The following SCFD2 variants were observed in gnomAD, a reference collection of about 807,000 sequenced individuals.
SCFD2 encodes the protein sec1 family domain-containing protein 2.
A neutral mutation model predicts 58.9 loss-of-function variants in SCFD2; 54 were observed. The observed-to-expected ratio is 0.92, with a 90% confidence interval of 0.74 to 1.15. SCFD2 has a LOEUF of 1.15. Ranked by LOEUF, SCFD2 falls within the 50% of genes most tolerant of loss-of-function variation. The pLI is 0.00. For missense variants in SCFD2, 805 were observed against 836.6 expected (o/e 0.96, Z 0.47); for synonymous variants, 321 against 335.9 (o/e 0.96, Z 0.49).
At chr4:53,347,067 G>A (rs1734078948) in intron 2 of SCFD2, among the ~76,000 whole-genome samples, 2 of 152,270 alleles carry the variant, frequency 1.3e-5, no homozygotes, top group Non-Finnish European at 1.5e-5. Context: ...CCACTACAGA[G>A]GCAGCTAATG....
At chr4:53,183,127 T>C (rs1577814815) in intron 4 of SCFD2, among the ~76,000 whole-genome samples, 2 of 152,172 alleles carry the variant, frequency 1.3e-5, no homozygotes, top group East Asian at 3.9e-4. Context: ...AGAAATACCA[T>C]TTGACCCAGC....
chr4:53,329,384 G>A (rs886982746), intron 2 of SCFD2, among the ~76,000 whole-genome samples: 5 of 152,016 alleles, frequency 3.3e-5, no homozygotes, highest in African/African-American at 9.7e-5. Context: ...CTCCCAGCAC[G>A]CAGCTGGAGA....
chr4:52,879,640 C>T (rs537284179), intron 8 of SCFD2, among the ~76,000 whole-genome samples: 5 of 152,344 alleles, frequency 3.3e-5, no homozygotes, highest in African/African-American at 9.6e-5. Context: ...GGGGGATGTT[C>T]GGTCTTTGTT....
chr4:53,116,411 G>T (rs939910672), intron 5 of SCFD2, among the ~76,000 whole-genome samples: 1 of 152,140 alleles, frequency 6.6e-6, no homozygotes, highest in East Asian at 1.9e-4. Flanking sequence ...TAATGTACTG[G>T]CTGTTAAAAG....
intron 5 of SCFD2, among the ~76,000 whole-genome samples, chr4:53,020,171 T>A (rs1722312095): frequency 6.6e-6 from 1 of 152,220 alleles, no homozygotes; most frequent in Admixed American, 6.5e-5. Flanking sequence ...GCATGTCATT[T>A]CATGACTTTT....
At chr4:53,177,074 T>A (rs1727361054) in intron 4 of SCFD2, among the ~76,000 whole-genome samples, 1 of 152,238 alleles carries the variant, frequency 6.6e-6, no homozygotes, top group Admixed American at 6.5e-5. Context: ...TAGCTTTTCC[T>A]TCTTCCTCTT....
intron 5 of SCFD2, among the ~76,000 whole-genome samples, chr4:52,975,443 G>T (rs1383552634): frequency 6.6e-6 from 1 of 152,242 alleles, no homozygotes; most frequent in Admixed American, 6.5e-5. Flanking sequence ...CTGACCAGCA[G>T]AGAATTGCAA....
chr4:53,115,686 G>A (rs1260771354), intron 5 of SCFD2, among the ~76,000 whole-genome samples: 7 of 152,042 alleles, frequency 4.6e-5, no homozygotes. Context: ...AGTGGATATG[G>A]GCTGACATGG....
chr4:53,242,446 G>A (rs1318002647), intron 4 of SCFD2, among the ~76,000 whole-genome samples: 1 of 142,368 alleles, frequency 7.0e-6, no homozygotes, highest in Non-Finnish European at 1.5e-5. Flanking sequence ...AAACCCCCAA[G>A]GTCACCAAAT....
At chr4:52,945,162 T>G (rs938104295) in intron 5 of SCFD2, among the ~76,000 whole-genome samples, 4 of 152,276 alleles carry the variant, frequency 2.6e-5, no homozygotes, top group African/African-American at 9.6e-5. Flanking sequence ...TGTAGAAGAC[T>G]ACATCAAAAC....
intron 4 of SCFD2, among the ~76,000 whole-genome samples, chr4:53,160,580 T>C (rs1455784927): frequency 6.6e-6 from 1 of 151,974 alleles, no homozygotes; most frequent in East Asian, 1.9e-4. Context: ...TGGTGTAAAA[T>C]GTAAGAATGG....
chr4:53,081,315 T>C (rs930864406), intron 5 of SCFD2, among the ~76,000 whole-genome samples: 2 of 152,196 alleles, frequency 1.3e-5, no homozygotes, highest in Admixed American at 1.3e-4. Flanking sequence ...TGCATGGGAA[T>C]ATTGCGTGAT....
At chr4:53,127,242 T>C (rs765207008) in intron 5 of SCFD2, among the ~76,000 whole-genome samples, 1 of 152,232 alleles carries the variant, frequency 6.6e-6, no homozygotes, top group Non-Finnish European at 1.5e-5. Context: ...GATGTTCCAA[T>C]TCCTTCTTCA....
intron 4 of SCFD2, among the ~76,000 whole-genome samples, chr4:53,187,166 C>T (rs1285810146): frequency 6.6e-6 from 1 of 151,878 alleles, no homozygotes; most frequent in Non-Finnish European, 1.5e-5. Flanking sequence ...CAGCATTTCA[C>T]AAAACATTAA....
chr4:52,885,198 C>T (rs1275048382), intron 8 of SCFD2, among the ~76,000 whole-genome samples: 2 of 152,138 alleles, frequency 1.3e-5, no homozygotes, highest in Admixed American at 1.3e-4. Flanking sequence ...TCTGGCCCCG[C>T]CCTCTAATTG....
intron 4 of SCFD2, chr4:53,265,682 ATTGT>A: frequency 6.6e-6 from 1 of 152,302 alleles, no homozygotes; most frequent in African/African-American, 2.4e-5. Context: ...TAACAATTAC[ATTGT>A]TATAGTTTTA....
At chr4:53,008,942 G>A (rs1245866075) in intron 5 of SCFD2, among the ~76,000 whole-genome samples, 4 of 152,146 alleles carry the variant, frequency 2.6e-5, no homozygotes, top group African/African-American at 9.7e-5. Flanking sequence ...TGGTGCAGAA[G>A]AGATGTGTGA....
At chr4:52,952,242 G>T (rs28685066) in intron 5 of SCFD2, among the ~76,000 whole-genome samples, 3 of 102,558 alleles carry the variant, frequency 2.9e-5, no homozygotes, top group African/African-American at 4.1e-5. Context: ...CCCTCTCACA[G>T]CCCCATCCCC....
intron 4 of SCFD2, among the ~76,000 whole-genome samples, chr4:53,264,785 ACTAT>A (rs1229363215): frequency 6.6e-6 from 1 of 152,242 alleles, no homozygotes; most frequent in Non-Finnish European, 1.5e-5. Context: ...ATAGAAAGAT[ACTAT>A]CTAACATTCA....
Sources: gnomAD v4.1 joint callset for allele counts (sites outside exome capture counted in the v4.1 genomes callset) on GRCh38, gnomAD v4.1.1 for gene constraint, MANE v1.5 for transcripts, NCBI Gene and HGNC (gene_info 2026-07-23, HGNC 2026-07-21) for gene names.